LINGO2: variants seen among roughly 807,000 people sequenced by gnomAD.
The protein encoded by LINGO2 is leucine rich repeat and Ig domain containing 2.
Under a neutral mutation model 30.6 loss-of-function variants are expected in LINGO2, and 14 were observed. That is an observed-to-expected ratio of 0.46 (90% CI 0.30 to 0.72). The LOEUF is 0.72. Ranked by LOEUF, LINGO2 falls within the 30% of genes least tolerant of loss-of-function variation. The pLI is 0.07. For synonymous variants in LINGO2, 317 were observed against 288.5 expected, an observed-to-expected ratio of 1.10 and a Z score of -1.00; for missense variants, 729 against 751.7, an observed-to-expected ratio of 0.97 and a Z score of 0.35.
chr9:28,214,851 T>C (rs1432307189), intron 4 of LINGO2, among the ~76,000 whole-genome samples: 1 of 151,630 alleles, frequency 6.6e-6, no homozygotes, highest in Non-Finnish European at 1.5e-5. Flanking sequence ...CAAATCAGCT[T>C]ATTTCTCAAT....
Position 28,553,129 on chromosome 9 carries a change from C to T in LINGO2, c.-364-77104G>A, listed in dbSNP as rs142253746. Among the ~76,000 whole-genome samples, 1,167 of 152,098 alleles carry T rather than the reference C, an allele frequency of 7.7e-3. 35 individuals are homozygous for T. The East Asian group carries it at 0.096, about 12-fold the overall frequency. On this transcript the variant is annotated intron_variant, in intron 1 of 5. Coordinates refer to ENST00000379992, the Ensembl canonical transcript of LINGO2. ...AAGGAACGCAGCTCCTCACCAGCAA[C>T]GGAACAAAGCTGGATGGAGAATGAC...
the LINGO2 span, among the ~76,000 whole-genome samples, chr9:28,922,200 C>G: frequency 6.6e-6 from 1 of 152,174 alleles, no homozygotes; most frequent in Non-Finnish European, 1.5e-5. Context: ...TAAACCAGTC[C>G]CACAATGAAC....
the LINGO2 span, among the ~76,000 whole-genome samples, chr9:29,176,319 G>GA: frequency 6.6e-6 from 1 of 152,180 alleles, no homozygotes; most frequent in Admixed American, 6.5e-5. Context: ...CTCAGAGACA[G>GA]ATGTCCTTTG....
chr9:28,368,646 G>T (rs912484701), intron 3 of LINGO2, among the ~76,000 whole-genome samples: 1 of 148,932 alleles, frequency 6.7e-6, no homozygotes, highest in Non-Finnish European at 1.5e-5. Flanking sequence ...GCCCAGGTTG[G>T]AGTGCAGTGG....
chr9:28,648,477 T>A (rs1228918211), intron 1 of LINGO2, among the ~76,000 whole-genome samples: 1 of 152,110 alleles, frequency 6.6e-6, no homozygotes, highest in African/African-American at 2.4e-5. Context: ...GTGAACCTAA[T>A]GAAAATCTGA....
intron 3 of LINGO2, among the ~76,000 whole-genome samples, chr9:28,330,789 G>A (rs745337391): frequency 5.3e-5 from 8 of 151,942 alleles, no homozygotes; most frequent in East Asian, 1.9e-4. Context: ...CTCTTCTCCC[G>A]TTCTCACCTT....
At chr9:28,054,791 A>G (rs550351364) in intron 4 of LINGO2, among the ~76,000 whole-genome samples, 1 of 139,872 alleles carries the variant, frequency 7.1e-6, no homozygotes, top group East Asian at 2.1e-4. Flanking sequence ...CTATAACTTA[A>G]TTTTTAATTT....
At chr9:28,586,032 T>G (rs1003996966) in intron 1 of LINGO2, among the ~76,000 whole-genome samples, 53 of 27,340 alleles carry the variant, frequency 1.9e-3, no homozygotes, top group African/African-American at 4.3e-3. Flanking sequence ...ATTAATTTTG[T>G]TTTTTTTTGT....
intron 1 of LINGO2, among the ~76,000 whole-genome samples, chr9:28,546,103 T>A (rs1183028339): frequency 6.6e-6 from 1 of 152,036 alleles, no homozygotes; most frequent in Non-Finnish European, 1.5e-5. Flanking sequence ...CCAGTGGTAC[T>A]CTTTACCAAG....
chr9:28,560,235 A>T (rs983102061), intron 1 of LINGO2, among the ~76,000 whole-genome samples: 3 of 152,058 alleles, frequency 2.0e-5, no homozygotes, highest in African/African-American at 7.2e-5. Flanking sequence ...ATTATTCTGG[A>T]TGTTTCTGAA....
chr9:28,008,788 A>G (rs1322067153), intron 5 of LINGO2, among the ~76,000 whole-genome samples: 2 of 152,194 alleles, frequency 1.3e-5, no homozygotes, highest in African/African-American at 4.8e-5. Context: ...GAAATATACC[A>G]CATATGTTCA....
At chr9:28,786,891 T>C in the LINGO2 span, among the ~76,000 whole-genome samples, 1 of 152,230 alleles carries the variant, frequency 6.6e-6, no homozygotes, top group Admixed American at 6.5e-5. Context: ...AAAAAGAATA[T>C]CCTATTCCAG....
At chr9:28,654,493 C>T (rs1035560847) in intron 1 of LINGO2, among the ~76,000 whole-genome samples, 6 of 150,668 alleles carry the variant, frequency 4.0e-5, no homozygotes, top group Non-Finnish European at 8.9e-5. Flanking sequence ...GATTGAGTAT[C>T]AGGAGACCTC....
chr9:28,653,223 A>C (rs1225458202), intron 1 of LINGO2, among the ~76,000 whole-genome samples: 1 of 152,136 alleles, frequency 6.6e-6, no homozygotes, highest in Non-Finnish European at 1.5e-5. Context: ...CTCAAGTGAG[A>C]CCGCTTCACA....
At chr9:28,100,428 T>TAGTAAATGCTA (rs1231428144) in intron 4 of LINGO2, among the ~76,000 whole-genome samples, 1 of 152,124 alleles carries the variant, frequency 6.6e-6, no homozygotes, top group Non-Finnish European at 1.5e-5. Context: ...GAGTAAAATG[T>TAGTAAATGCTA]AGTAAATGCT....
chr9:28,617,586 C>T (rs185161133), intron 1 of LINGO2, among the ~76,000 whole-genome samples: 7 of 152,198 alleles, frequency 4.6e-5, no homozygotes, highest in South Asian at 4.1e-4. Context: ...TGAGCCACCG[C>T]GCCCAGACAA....
chr9:28,437,659 C>G (rs1430890471), intron 2 of LINGO2, among the ~76,000 whole-genome samples: 2 of 151,998 alleles, frequency 1.3e-5, no homozygotes, highest in Non-Finnish European at 2.9e-5. Context: ...CTCCTCTCCC[C>G]CTTTCTCATC....
chr9:28,233,053 T>TAC (rs1304755342), intron 4 of LINGO2, among the ~76,000 whole-genome samples: 1 of 121,034 alleles, frequency 8.3e-6, no homozygotes, highest in African/African-American at 3.5e-5. Context: ...TATATATATA[T>TAC]ATATATATTA....
At chr9:29,092,478 C>G in the LINGO2 span, among the ~76,000 whole-genome samples, 39 of 152,142 alleles carry the variant, frequency 2.6e-4, no homozygotes, top group Non-Finnish European at 2.9e-5. Context: ...TTGGTTAATA[C>G]TTACCTATAA....
Sources: gnomAD v4.1 joint callset for allele counts (sites outside exome capture counted in the v4.1 genomes callset) on GRCh38, gnomAD v4.1.1 for gene constraint, MANE v1.5 for transcripts, NCBI Gene and HGNC (gene_info 2026-07-23, HGNC 2026-07-21) for gene names.